CDH20: variants seen among roughly 807,000 people sequenced by gnomAD.
CDH20 encodes cadherin 20, also known as cadherin-20.
In CDH20, 29 loss-of-function variants were observed where a neutral mutation model predicts 74.2. The observed-to-expected ratio is 0.39, with a 90% confidence interval of 0.29 to 0.53. The LOEUF (loss-of-function observed/expected upper bound fraction) is 0.53, where lower values mean the gene tolerates loss of function less well. Ranked by LOEUF, CDH20 falls within the 20% of genes least tolerant of loss-of-function variation. The probability of loss-of-function intolerance (pLI) is 0.69; values close to 1 mark genes in which losing one functional copy is unlikely to be tolerated. For synonymous variants in CDH20, 469 were observed against 405.4 expected (o/e 1.16, Z -1.88); for missense variants, 988 against 1,048.3 (o/e 0.94, Z 0.79).
chr18:61,352,206 C>T (rs190439947), intron 1 of CDH20, among the ~76,000 whole-genome samples: 28 of 152,262 alleles, frequency 1.8e-4, no homozygotes, highest in Admixed American at 6.5e-4. Flanking sequence ...CCTCTGTCTC[C>T]AGCTGTCATG....
At chr18:61,517,270 T>C (rs1912032405) in intron 6 of CDH20, among the ~76,000 whole-genome samples, 1 of 152,186 alleles carries the variant, frequency 6.6e-6, no homozygotes, top group Non-Finnish European at 1.5e-5. Context: ...TAAGAGTTTC[T>C]GCTCTTCAAA....
intron 1 of CDH20, chr18:61,405,009 A>G: frequency 1.4e-6 from 1 of 702,952 alleles, no homozygotes; most frequent in Non-Finnish European, 2.6e-6. Context: ...AGTTTTGACC[A>G]ACATTGCATA....
chr18:61,454,257 T>C (rs1018806256), intron 1 of CDH20, among the ~76,000 whole-genome samples: 5 of 152,214 alleles, frequency 3.3e-5, no homozygotes, highest in Non-Finnish European at 7.3e-5. Context: ...TGTTAGCTTA[T>C]GTATCTTATT....
chr18:61,450,129 C>T (rs1025684716), intron 1 of CDH20, among the ~76,000 whole-genome samples: 1 of 151,992 alleles, frequency 6.6e-6, no homozygotes, highest in African/African-American at 2.4e-5. Context: ...CAATACCAGG[C>T]ACATTATTTT....
At chr18:61,512,827 TAA>T (rs1911835129) in intron 6 of CDH20, among the ~76,000 whole-genome samples, 1 of 152,140 alleles carries the variant, frequency 6.6e-6, no homozygotes. Flanking sequence ...GTGAGATTCT[TAA>T]TCCTGAGTTC....
intron 1 of CDH20, among the ~76,000 whole-genome samples, chr18:61,435,064 G>T (rs906294197): frequency 2.0e-5 from 3 of 151,994 alleles, no homozygotes; most frequent in Admixed American, 6.6e-5. Flanking sequence ...AACTTTATGC[G>T]CATTCTCACT....
chr18:61,352,809 C>A (rs1354633827), intron 1 of CDH20, among the ~76,000 whole-genome samples: 2 of 152,190 alleles, frequency 1.3e-5, no homozygotes, highest in East Asian at 3.8e-4. Context: ...CTGCCCAACA[C>A]AAAATCCTTG....
At chr18:61,501,622 G>A (rs910447066) in intron 4 of CDH20, among the ~76,000 whole-genome samples, 7 of 152,086 alleles carry the variant, frequency 4.6e-5, no homozygotes, top group East Asian at 3.8e-4. Context: ...CAACCTGATC[G>A]AATTTTTTTC....
intron 1 of CDH20, among the ~76,000 whole-genome samples, chr18:61,463,339 C>T (rs899534395): frequency 1.4e-4 from 21 of 152,312 alleles, no homozygotes; most frequent in Admixed American, 1.2e-3. Flanking sequence ...CCTCCCAGAG[C>T]TTTTCCTTGG....
intron 9 of CDH20, among the ~76,000 whole-genome samples, chr18:61,540,367 C>T (rs149985185): frequency 1.4e-4 from 21 of 152,244 alleles, no homozygotes; most frequent in Admixed American, 3.3e-4. Flanking sequence ...CATTTTCATG[C>T]TGCTGATAAA....
chr18:61,391,734 G>A (rs1013784723), intron 1 of CDH20: 3 of 150,792 alleles, frequency 2.0e-5, no homozygotes, highest in African/African-American at 7.3e-5. Flanking sequence ...CATGTATCCT[G>A]GAACTTAAAA....
intron 1 of CDH20, among the ~76,000 whole-genome samples, chr18:61,354,301 C>A (rs1910418728): frequency 6.6e-6 from 1 of 152,096 alleles, no homozygotes; most frequent in African/African-American, 2.4e-5. Context: ...TCACGCAAGC[C>A]TCTGGCAAAT....
At chr18:61,526,822 C>T (rs1023237246) in intron 6 of CDH20, among the ~76,000 whole-genome samples, 1 of 152,228 alleles carries the variant, frequency 6.6e-6, no homozygotes, top group Non-Finnish European at 1.5e-5. Flanking sequence ...CGTCAGCATA[C>T]TCCAGGCTTC....
chr18:61,395,844 C>A (rs944050812), intron 1 of CDH20, among the ~76,000 whole-genome samples: 1 of 152,128 alleles, frequency 6.6e-6, no homozygotes, highest in African/African-American at 2.4e-5. Flanking sequence ...ACCATCCTGG[C>A]CAACATGGTG....
intron 1 of CDH20, among the ~76,000 whole-genome samples, chr18:61,439,343 A>G (rs376834679): frequency 2.4e-4 from 36 of 152,300 alleles, no homozygotes; most frequent in Non-Finnish European, 4.4e-4. Flanking sequence ...ATTTTTAACA[A>G]AGAAAAATGG....
intron 1 of CDH20, among the ~76,000 whole-genome samples, chr18:61,440,726 C>T (rs1327493104): frequency 6.6e-6 from 1 of 152,168 alleles, no homozygotes; most frequent in Non-Finnish European, 1.5e-5. Flanking sequence ...CTCTGCCCCA[C>T]ATGGTCTCTC....
chr18:61,505,488 A>G (rs1911532835), intron 5 of CDH20, among the ~76,000 whole-genome samples: 1 of 151,980 alleles, frequency 6.6e-6, no homozygotes, highest in African/African-American at 2.4e-5. Context: ...GGTGCACACC[A>G]CCATGCCCAG....
intron 1 of CDH20, among the ~76,000 whole-genome samples, chr18:61,365,522 C>G (rs1256819418): frequency 1.3e-5 from 2 of 152,052 alleles, no homozygotes; most frequent in Non-Finnish European, 2.9e-5. Flanking sequence ...AAAAAAGGTC[C>G]ACTGAGTAAA....
At chr18:61,370,261 G>T (rs949256968) in intron 1 of CDH20, among the ~76,000 whole-genome samples, 1 of 152,146 alleles carries the variant, frequency 6.6e-6, no homozygotes. Flanking sequence ...TTGGGGCATA[G>T]GGTATGGTGC....
Sources: allele counts gnomAD v4.1 joint callset (sites outside exome capture counted in the v4.1 genomes callset), GRCh38; gene constraint gnomAD v4.1.1; transcripts MANE v1.5; gene names NCBI Gene and HGNC (gene_info 2026-07-23, HGNC 2026-07-21).